ZNF404: variants seen among roughly 807,000 people sequenced by gnomAD.
ZNF404 encodes zinc finger protein 404.
A neutral mutation model predicts 7.3 loss-of-function variants in ZNF404; 7 were observed. That is an observed-to-expected ratio of 0.95 (90% CI 0.54 to 1.79). The LOEUF (loss-of-function observed/expected upper bound fraction) is 1.79. Ranked by LOEUF, ZNF404 falls within the 40% of genes most tolerant of loss-of-function variation. The probability of loss-of-function intolerance (pLI) is 0.00; values close to 1 mark genes in which losing one functional copy is unlikely to be tolerated. For synonymous variants in ZNF404, 191 were observed against 209.9 expected (o/e 0.91, Z 0.78); for missense variants, 560 against 661.5 (o/e 0.85, Z 1.68).
In ZNF404 at chr19:43,873,098, C is replaced by T. The variant is rs373371367; in HGVS notation, c.1116G>A (p.Gln372=). Residue 372 remains glutamine (Q), a synonymous_variant, in exon 3 of 3, where the codon CAG becomes CAA. Coordinates refer to ENST00000587539, the MANE Select transcript of ZNF404 (RefSeq NM_001033719.3). The part of the protein sequence containing the change: ...KAFCRGSQLT[Q]HQRIHTGEKP... ...TCTCACCAGTATGAATTCTCTGATG[C>T]TGTGTAAGTTGAGAGCCTCTACAAA... 1.2e-6 allele frequency: 2 copies of T among 1,612,938 alleles called. No individual in the cohort carries two copies. The highest frequency in any genetic ancestry group is 1.7e-6 in the Non-Finnish European group (2 of 1,179,434).
chr19:43,873,611 C>T lies in ZNF404; in HGVS notation c.603G>A (p.Gln201=), dbSNP rs548924610. The T allele has an allele frequency of 1.2e-6, 2 of 1,613,486 alleles. No individual in the cohort carries two copies. The highest frequency in any genetic ancestry group is 1.1e-5 in the South Asian group (1 of 91,064). The change falls in exon 3 of 3, where the codon CAG becomes CAA. Residue 201 remains glutamine, a synonymous_variant. Transcript: ENST00000587539. ...GCEKAFRFYS[Q]LIQHQIIHTG... is the part of the protein sequence containing the mutation. ...TATGAATTATCTGATGCTGAATAAG[C>T]TGTGAATAAAACCTAAAGGCCTTCT...
At chr19:43,876,880 A>G (rs1335846928) in intron 2 of ZNF404, among the ~76,000 whole-genome samples, 1 of 152,206 alleles carries the variant, frequency 6.6e-6, no homozygotes, top group African/African-American at 2.4e-5. Context: ...GGCACTTTTC[A>G]AAATACCTGA....
chr19:43,883,606 C>A (rs750143397), intron 1 of ZNF404, among the ~76,000 whole-genome samples: 14 of 152,174 alleles, frequency 9.2e-5, no homozygotes, highest in Admixed American at 2.6e-4. Context: ...GAGAAAGTTT[C>A]CACTCCTGTA....
chr19:43,878,065 C>T (rs1410004514), intron 2 of ZNF404, among the ~76,000 whole-genome samples: 3 of 124,214 alleles, frequency 2.4e-5, no homozygotes, highest in Non-Finnish European at 3.3e-5. Flanking sequence ...GTCTTTATAG[C>T]AGCATGATTT....
chr19:43,873,555 C>T lies in ZNF404; in HGVS notation c.659G>A (p.Cys220Tyr), dbSNP rs759152735. ...TGMKPYECKQ[C>Y]GKAFRRHSHL... Reference sequence around the variant, plus strand: ...AGAATGACGTCTAAAAGCCTTCCCGCATTGCTTACATTCATAGGGTTTCAT... The same window carrying T: ...AGAATGACGTCTAAAAGCCTTCCCGTATTGCTTACATTCATAGGGTTTCAT... The change falls in exon 3 of 3, where the codon TGC (cysteine) becomes TAC (tyrosine). Residue 220 changes from cysteine (C) to tyrosine (Y), a missense_variant. Cys to Tyr is a radical substitution (Grantham distance 194). Coordinates refer to ENST00000587539, the MANE Select transcript of ZNF404 (RefSeq NM_001033719.3). 6.2e-7 allele frequency: 1 copy of T among 1,613,628 alleles called. No homozygotes were observed. The highest frequency in any genetic ancestry group is 1.7e-5 in the Admixed American group (1 of 59,986).
At position 43,874,032 on chromosome 19, in the gene ZNF404, C is replaced by A. The variant is rs1468802538; in HGVS notation, c.182G>T (p.Arg61Ile). The A allele has an allele frequency of 1.3e-6, 2 of 1,581,790 alleles. No individual in the cohort carries two copies. The highest frequency in any genetic ancestry group is 2.4e-5 in the South Asian group (2 of 84,978). Residue 61 changes from arginine to isoleucine, a missense_variant, in exon 3 of 3, where the codon AGA (arginine) becomes ATA (isoleucine). Arg to Ile is a moderately conservative substitution (Grantham distance 97). Coordinates refer to ENST00000587539, the MANE Select transcript of ZNF404 (RefSeq NM_001033719.3). ...TESNKLSSEKRNYEVNAYHQE... is the reference protein window; with the variant it reads ...TESNKLSSEKINYEVNAYHQE... ...ATGGTACGCATTTACTTCATAATTTCTTTTTTCTGAAGATAACTTGTTGCT... is the reference window on the plus strand; with the variant it reads ...ATGGTACGCATTTACTTCATAATTTATTTTTTCTGAAGATAACTTGTTGCT...
chr19:43,875,290 A>G (rs1971844004), intron 2 of ZNF404, among the ~76,000 whole-genome samples: 1 of 151,828 alleles, frequency 6.6e-6, no homozygotes, highest in Admixed American at 6.6e-5. Flanking sequence ...AATGTTTTAA[A>G]TAATTTTTTT....
In ZNF404 at chr19:43,877,101, T is replaced by G. The variant is rs1461813095; in HGVS notation, c.136+2909A>C. 2.6e-5 allele frequency among the ~76,000 whole-genome samples: 4 copies of G among 151,740 alleles called. No individual in the cohort carries two copies. The East Asian group carries it at 7.7e-4, about 29-fold the overall frequency. ...AGTTTGCCTATAGTTTTGTTAACAA[T>G]GTTAACTTGCTAGTTTGCATAAATG... On this transcript the variant is annotated intron_variant, in intron 2 of 2. Transcript: ENST00000587539.
chr19:43,875,745 G>A (rs1599746163), intron 2 of ZNF404, among the ~76,000 whole-genome samples: 1 of 152,240 alleles, frequency 6.6e-6, no homozygotes, highest in South Asian at 2.1e-4. Flanking sequence ...AAATAATACA[G>A]ATGTTATCCT....
chr19:43,877,651 T>C (rs965938637), intron 2 of ZNF404, among the ~76,000 whole-genome samples: 6 of 150,740 alleles, frequency 4.0e-5, no homozygotes, highest in African/African-American at 1.5e-4. Context: ...GTTACATACG[T>C]ATACATGTGC....
intron 1 of ZNF404, among the ~76,000 whole-genome samples, chr19:43,880,755 A>G (rs1330545068): frequency 1.3e-5 from 2 of 152,230 alleles, no homozygotes; most frequent in Non-Finnish European, 2.9e-5. Flanking sequence ...GCTGTGGCAC[A>G]GGGAGCGGGA....
At chr19:43,875,735 A>T (rs1971846757) in intron 2 of ZNF404, among the ~76,000 whole-genome samples, 1 of 152,216 alleles carries the variant, frequency 6.6e-6, no homozygotes, top group Non-Finnish European at 1.5e-5. Context: ...TAAAAAGTCA[A>T]AATAATACAG....
At chr19:43,874,528 C>T (rs941640163) in intron 2 of ZNF404, among the ~76,000 whole-genome samples, 1 of 152,056 alleles carries the variant, frequency 6.6e-6, no homozygotes, top group African/African-American at 2.4e-5. Flanking sequence ...AAGGCCCTGT[C>T]TTATCCACAC....
intron 2 of ZNF404, among the ~76,000 whole-genome samples, chr19:43,877,235 A>C (rs1233124752): frequency 1.3e-5 from 2 of 152,222 alleles, no homozygotes; most frequent in Non-Finnish European, 2.9e-5. Context: ...AATAACAACA[A>C]ATAGACTCCA....
In ZNF404 at chr19:43,872,728, C is replaced by A; in HGVS notation, c.1486G>T (p.Glu496Ter). Residue 496 changes from glutamate to a stop codon, truncating the protein, a stop_gained, in exon 3 of 3, where the codon GAA becomes TAA. Transcript: ENST00000587539. LOFTEE classifies it low-confidence loss of function (END_TRUNC). This position sits in a 1 kb window ranked among gnomAD's most constrained non-coding sequence, Gnocchi z 4.4. ...AAGGCCTTATCACATTCTTTACATTCATAGGGTTTTTCACCAGTATGAATT... is the reference window on the plus strand; with the variant it reads ...AAGGCCTTATCACATTCTTTACATTAATAGGGTTTTTCACCAGTATGAATT... ...KRIHTGEKPYECKECDKAFNR... is the reference protein window; with the variant it reads ...KRIHTGEKPY 1 of 1,613,310 alleles carries A rather than the reference C, an allele frequency of 6.2e-7. No individual in the cohort carries two copies. Among genetic ancestry groups the A allele is most frequent in the South Asian group, 1.1e-5 (1 of 90,992 alleles).
chr19:43,881,432 GCAA>G (rs1971893991), intron 1 of ZNF404, among the ~76,000 whole-genome samples: 1 of 152,076 alleles, frequency 6.6e-6, no homozygotes, highest in Non-Finnish European at 1.5e-5. Context: ...ATTTTAATTA[GCAA>G]CAATTGGTGG....
intron 2 of ZNF404, among the ~76,000 whole-genome samples, chr19:43,876,270 C>T (rs940482249): frequency 1.1e-4 from 16 of 151,958 alleles, no homozygotes; most frequent in African/African-American, 3.4e-4. Flanking sequence ...GCTGAGATTG[C>T]GCCACTGTAC....
intron 2 of ZNF404, among the ~76,000 whole-genome samples, chr19:43,878,851 T>A (rs1971872645): frequency 6.6e-6 from 1 of 152,194 alleles, no homozygotes; most frequent in South Asian, 2.1e-4. Flanking sequence ...ACCCATTTAA[T>A]TCCTGGTTGT....
rs1285147793 is a variant in ZNF404 at position 43,873,265 on chromosome 19, G to A, written c.949C>T (p.His317Tyr). The A allele has an allele frequency of 1.2e-6, 2 of 1,613,464 alleles. No individual in the cohort carries two copies. Among genetic ancestry groups the A allele is most frequent in the East Asian group, 2.2e-5 (1 of 44,880 alleles). Reference protein sequence around the residue: ...AFVRSYLLVEHQRSHTGEKPH... With the variant: ...AFVRSYLLVEYQRSHTGEKPH... ...TTCTCACCAGTATGACTTCTTTGAT[G>A]TTCAACAAGTAGATAGCTGCGAACA... Residue 317 changes from histidine (H) to tyrosine (Y), a missense_variant, in exon 3 of 3, where the codon CAT becomes TAT. Physicochemically the swap from His to Tyr is moderately conservative, Grantham distance 83 (BLOSUM62 2). Coordinates refer to ENST00000587539, the MANE Select transcript of ZNF404 (RefSeq NM_001033719.3).
Sources: allele counts gnomAD v4.1 joint callset (sites outside exome capture counted in the v4.1 genomes callset), GRCh38; gene constraint gnomAD v4.1.1; non-coding constraint Gnocchi (gnomAD v3.1); transcripts MANE v1.5; gene names NCBI Gene and HGNC (gene_info 2026-07-23, HGNC 2026-07-21).